Variants in KLHL2 observed in about 807,000 individuals in gnomAD.
KLHL2 encodes kelch-like protein 2.
Under a neutral mutation model 75.8 loss-of-function variants are expected in KLHL2, and 15 were observed. That is an observed-to-expected ratio of 0.20 (90% CI 0.13 to 0.30). KLHL2 has a LOEUF of 0.30. KLHL2 is among the 10% of genes least tolerant of loss of function. The pLI is 1.00. For missense variants in KLHL2, 381 were observed against 741.0 expected (o/e 0.51, Z 5.64); for synonymous variants, 214 against 251.9 (o/e 0.85, Z 1.42).
At chr4:165,232,375 C>T (rs1457293932) in intron 3 of KLHL2, among the ~76,000 whole-genome samples, 5 of 147,998 alleles carry the variant, frequency 3.4e-5, no homozygotes, top group South Asian at 2.1e-4. Flanking sequence ...TGCAGTGAGC[C>T]GAGATAGCAC....
At chr4:165,250,403 C>T (rs1351570433) in intron 4 of KLHL2, among the ~76,000 whole-genome samples, 2 of 152,108 alleles carry the variant, frequency 1.3e-5, no homozygotes, top group East Asian at 1.9e-4. Context: ...TTGAATTATA[C>T]GTATAATGCT....
rs1403297632 is a variant in KLHL2 at position 165,264,728 on chromosome 4, A to G, written c.544+1369A>G. 3.4e-3 allele frequency among the ~76,000 whole-genome samples: 250 copies of G among 73,824 alleles called. 1 individual carries two copies. Among genetic ancestry groups the G allele is most frequent in the African/African-American group, 0.012 (238 of 19,940 alleles). The allele number at this position is 73,824 out of a possible 152,430, so 48.4% of individuals were successfully genotyped here. On this transcript the variant is annotated intron_variant, in intron 5 of 14. Coordinates refer to ENST00000226725, the MANE Select transcript of KLHL2 (RefSeq NM_007246.4). ...TGTATATATATATATATACATATAT[A>G]TATATATATATGTATATATATATAT...
Position 165,311,450 on chromosome 4 carries a change from G to C in KLHL2, c.1238-14G>C. ...TTTAGAGAAGGAAATGAAGACTATT[G>C]TGCTTTATTATAGGTTTGTCATCTG... On this transcript the variant is annotated splice_polypyrimidine_tract_variant and intron_variant, in intron 10 of 14. Transcript: ENST00000226725. The C allele has an allele frequency of 6.4e-7, 1 of 1,561,342 alleles. No individual in the cohort carries two copies. The highest frequency in any genetic ancestry group is 1.1e-5 in the South Asian group (1 of 88,662).
intron 8 of KLHL2, among the ~76,000 whole-genome samples, chr4:165,303,084 C>A (rs966789820): frequency 1.3e-5 from 2 of 152,150 alleles, no homozygotes; most frequent in African/African-American, 4.8e-5. Flanking sequence ...CCTGTCCCCC[C>A]ATTGCACGTT....
chr4:165,252,648 CTT>C (rs1392142176), intron 4 of KLHL2: 1 of 152,158 alleles, frequency 6.6e-6, no homozygotes, highest in Non-Finnish European at 1.5e-5. Flanking sequence ...TAATTGAAAA[CTT>C]TATTTCTTGC....
intron 14 of KLHL2, among the ~76,000 whole-genome samples, chr4:165,321,638 A>C (rs1327218033): frequency 6.6e-6 from 1 of 152,194 alleles, no homozygotes; most frequent in Non-Finnish European, 1.5e-5. Flanking sequence ...TGTCGGTTCA[A>C]GGGTCAACTG....
chr4:165,219,227 A>G (rs1737790534), intron 1 of KLHL2, among the ~76,000 whole-genome samples: 1 of 152,266 alleles, frequency 6.6e-6, no homozygotes, highest in South Asian at 2.1e-4. Context: ...TAGTGAAAAG[A>G]ACAAGATGGA....
At chr4:165,306,723 C>T (rs57162477) in intron 9 of KLHL2, among the ~76,000 whole-genome samples, 37,322 of 152,068 alleles carry the variant, frequency 0.25, 5,234 homozygotes, top group Middle Eastern at 0.34. Context: ...ATTGTCAGTT[C>T]ATGATTTTTG....
At chr4:165,258,668 G>A (rs1741400480) in intron 4 of KLHL2, among the ~76,000 whole-genome samples, 1 of 152,148 alleles carries the variant, frequency 6.6e-6, no homozygotes, top group African/African-American at 2.4e-5. Context: ...GACCTAAATA[G>A]CAAATTAAGA....
intron 5 of KLHL2, among the ~76,000 whole-genome samples, chr4:165,281,561 C>T (rs1354264719): frequency 2.6e-5 from 4 of 152,138 alleles, no homozygotes; most frequent in East Asian, 1.9e-4. Context: ...GTGATCCACC[C>T]GCCTCAGCCT....
At chr4:165,321,044 T>TA (rs1201576630) in intron 14 of KLHL2, among the ~76,000 whole-genome samples, 1 of 152,240 alleles carries the variant, frequency 6.6e-6, no homozygotes, top group Non-Finnish European at 1.5e-5. Context: ...GTTTATGACT[T>TA]ACTTTATGAA....
chr4:165,307,143 A>G (rs565804957), intron 9 of KLHL2, among the ~76,000 whole-genome samples: 5 of 152,136 alleles, frequency 3.3e-5, no homozygotes, highest in Non-Finnish European at 5.9e-5. Flanking sequence ...CCCCTTCTCT[A>G]CTAAAAATAC....
intron 3 of KLHL2, among the ~76,000 whole-genome samples, chr4:165,234,287 T>C (rs1579006446): frequency 6.6e-6 from 1 of 152,186 alleles, no homozygotes; most frequent in East Asian, 1.9e-4. Context: ...TGGTAGTAAT[T>C]AGAGTAGATG....
intron 4 of KLHL2, among the ~76,000 whole-genome samples, chr4:165,239,873 A>G (rs12108624): frequency 0.057 from 8,704 of 152,186 alleles, 572 homozygotes; most frequent in African/African-American, 0.16. Flanking sequence ...CGTACACACA[A>G]TTTTTTTACA....
intron 3 of KLHL2, among the ~76,000 whole-genome samples, chr4:165,235,228 T>G (rs1374259292): frequency 6.6e-6 from 1 of 152,234 alleles, no homozygotes; most frequent in East Asian, 1.9e-4. Context: ...TAAGATAGAG[T>G]CTTTCTCTGT....
At chr4:165,226,191 C>T (rs1738417903) in intron 2 of KLHL2, among the ~76,000 whole-genome samples, 1 of 152,174 alleles carries the variant, frequency 6.6e-6, no homozygotes, top group South Asian at 2.1e-4. Context: ...AAAAGAGAAA[C>T]CTGGATTGCT....
At chr4:165,219,400 A>G (rs116673474) in intron 1 of KLHL2, among the ~76,000 whole-genome samples, 3,065 of 152,276 alleles carry the variant, frequency 0.02, 43 homozygotes, top group African/African-American at 0.068. Flanking sequence ...GGGCTGCCAT[A>G]TGGTAAATAC....
At chr4:165,237,041 G>A (rs1488181375) in intron 3 of KLHL2, among the ~76,000 whole-genome samples, 2 of 147,868 alleles carry the variant, frequency 1.4e-5, no homozygotes, top group African/African-American at 5.1e-5. Context: ...GTGGCCCCAG[G>A]CCCTGAAGGG....
At chr4:165,266,223 C>A (rs1742229584) in intron 5 of KLHL2, among the ~76,000 whole-genome samples, 1 of 152,076 alleles carries the variant, frequency 6.6e-6, no homozygotes, top group Admixed American at 6.6e-5. Context: ...GATATTAGCC[C>A]TTTGTCAGAT....
Sources: allele counts gnomAD v4.1 joint callset (sites outside exome capture counted in the v4.1 genomes callset), GRCh38; gene constraint gnomAD v4.1.1; transcripts MANE v1.5; gene names NCBI Gene and HGNC (gene_info 2026-07-23, HGNC 2026-07-21).